The following ANKS1B variants were observed in gnomAD, a reference collection of about 807,000 sequenced individuals.
The protein encoded by ANKS1B is ankyrin repeat and sterile alpha motif domain containing 1B, also known as ankyrin repeat and sterile alpha motif domain-containing protein 1B.
In ANKS1B, 36 loss-of-function variants were observed where a neutral mutation model predicts 148.3. The observed-to-expected ratio is 0.24, with a 90% confidence interval of 0.19 to 0.32. The LOEUF (loss-of-function observed/expected upper bound fraction) is 0.32. Ranked by LOEUF, ANKS1B falls within the 10% of genes least tolerant of loss-of-function variation. The probability of loss-of-function intolerance (pLI) is 1.00; values close to 1 mark genes in which losing one functional copy is unlikely to be tolerated. For missense variants in ANKS1B, 1,157 were observed against 1,542.6 expected (o/e 0.75, Z 4.19); for synonymous variants, 542 against 560.8 (o/e 0.97, Z 0.47).
At chr12:99,110,461 G>T (rs2060071955) in intron 15 of ANKS1B, among the ~76,000 whole-genome samples, 1 of 152,222 alleles carries the variant, frequency 6.6e-6, no homozygotes, top group South Asian at 2.1e-4. Flanking sequence ...CTGCTGTGGA[G>T]ACAGAAGTGG....
chr12:99,888,906 G>A (rs1323983276), intron 1 of ANKS1B, among the ~76,000 whole-genome samples: 4 of 151,162 alleles, frequency 2.6e-5, no homozygotes, highest in Admixed American at 6.6e-5. Flanking sequence ...TCAGCAGGGA[G>A]TACAAAATCT....
At chr12:99,210,079 T>G (rs2153910227) in intron 14 of ANKS1B, among the ~76,000 whole-genome samples, 1 of 152,210 alleles carries the variant, frequency 6.6e-6, no homozygotes, top group Non-Finnish European at 1.5e-5. Flanking sequence ...CCTCTCAGGT[T>G]TAGTCTCCAA....
intron 11 of ANKS1B, among the ~76,000 whole-genome samples, chr12:99,419,341 G>A (rs949069309): frequency 1.3e-5 from 2 of 152,130 alleles, no homozygotes; most frequent in Non-Finnish European, 2.9e-5. Flanking sequence ...GTGGTAGTTT[G>A]TTTTAATAAT....
intron 16 of ANKS1B, among the ~76,000 whole-genome samples, chr12:99,081,759 G>T (rs992973483): frequency 1.3e-5 from 2 of 152,074 alleles, no homozygotes; most frequent in African/African-American, 4.8e-5. Flanking sequence ...TCTACGTTCA[G>T]TTTCTCTTGT....
intron 12 of ANKS1B, among the ~76,000 whole-genome samples, chr12:99,250,216 C>T (rs1186817652): frequency 6.6e-6 from 1 of 152,152 alleles, no homozygotes; most frequent in African/African-American, 2.4e-5. Context: ...AGAACTGTAC[C>T]TAGTTGTCTG....
rs138841918 is a variant in ANKS1B, at chr12:99,462,686, T to C, written c.1439-18877A>G. 2.0e-5 allele frequency among the ~76,000 whole-genome samples: 3 copies of C among 152,358 alleles called. No homozygotes were observed. The East Asian group carries it at 5.8e-4, about 29-fold the overall frequency. On this transcript the variant is annotated intron_variant, in intron 10 of 26. Transcript: ENST00000683438. ...ATTTGATATTCTCTGATATGGTTTG[T>C]ATACTTGTCTCCTCCAAATCTCATG... is the stretch of plus-strand genomic sequence containing the variant.
At chr12:98,747,241 CAA>C (rs569565105) in intron 26 of ANKS1B, among the ~76,000 whole-genome samples, 3 of 151,896 alleles carry the variant, frequency 2.0e-5, no homozygotes, top group Non-Finnish European at 4.4e-5. Flanking sequence ...AAATAAAAAA[CAA>C]AAACAAAAAC....
intron 3 of ANKS1B, 61 bp from the exon 4 acceptor site, chr12:99,806,761 AAC>A (rs1405180370): frequency 5.4e-5 from 80 of 1,494,070 alleles, no homozygotes; most frequent in Non-Finnish European, 6.9e-5. Context: ...TCAAAATCTT[AAC>A]ACAGTAATTT....
intron 9 of ANKS1B, among the ~76,000 whole-genome samples, chr12:99,543,058 A>G (rs2097141448): frequency 6.6e-6 from 1 of 152,138 alleles, no homozygotes; most frequent in African/African-American, 2.4e-5. Context: ...ACAGACTAGG[A>G]GAACGTATTT....
chr12:98,746,068 T>C (rs568035324), intron 26 of ANKS1B, among the ~76,000 whole-genome samples: 15 of 152,274 alleles, frequency 9.9e-5, no homozygotes, highest in African/African-American at 3.6e-4. Flanking sequence ...GGCACAGCCC[T>C]TGCCCTTGTG....
chr12:99,173,471 C>A (rs1478130185), intron 14 of ANKS1B, among the ~76,000 whole-genome samples: 1 of 152,028 alleles, frequency 6.6e-6, no homozygotes, highest in African/African-American at 2.4e-5. Context: ...ACACTTAAGA[C>A]AATCTTAGAA....
At chr12:99,024,212 T>C (rs1351971245) in intron 17 of ANKS1B, among the ~76,000 whole-genome samples, 2 of 152,156 alleles carry the variant, frequency 1.3e-5, no homozygotes, top group African/African-American at 4.8e-5. Flanking sequence ...ACCACAGTTG[T>C]ATAAATTAAA....
At chr12:99,863,127 T>C (rs187657794) in intron 1 of ANKS1B, among the ~76,000 whole-genome samples, 3 of 152,208 alleles carry the variant, frequency 2.0e-5, no homozygotes, top group Non-Finnish European at 2.9e-5. Flanking sequence ...GTTTTGTTTG[T>C]TGGTTGGTTT....
chr12:99,205,060 C>T (rs941312850), intron 14 of ANKS1B, among the ~76,000 whole-genome samples: 1 of 151,910 alleles, frequency 6.6e-6, no homozygotes, highest in Non-Finnish European at 1.5e-5. Context: ...TGTACCAGGC[C>T]CCCCCCAAAA....
intron 17 of ANKS1B, among the ~76,000 whole-genome samples, chr12:98,908,132 A>G (rs2099781956): frequency 6.6e-6 from 1 of 152,076 alleles, no homozygotes; most frequent in South Asian, 2.1e-4. Context: ...AGGGATTGTA[A>G]TCTGTTGGGT....
At chr12:99,439,067 T>A (rs1490999518) in intron 11 of ANKS1B, among the ~76,000 whole-genome samples, 2 of 151,752 alleles carry the variant, frequency 1.3e-5, no homozygotes, top group African/African-American at 2.4e-5. Flanking sequence ...ACAATTAAAA[T>A]ATGAAAGCAA....
Position 99,678,694 on chromosome 12 carries a change from G to T in ANKS1B, c.1129-23484C>A, listed in dbSNP as rs537852905. 1.2e-4 allele frequency among the ~76,000 whole-genome samples: 18 copies of T among 152,206 alleles called. No individual in the cohort carries two copies. The South Asian group carries it at 3.5e-3, about 30-fold the overall frequency. ...GCCTAAATTTCACTAAAAGCACTCT[G>T]GAGCTAAACACTCCCATTTAATTAT... On this transcript the variant is annotated intron_variant, in intron 8 of 26. Transcript: ENST00000683438.
intron 12 of ANKS1B, among the ~76,000 whole-genome samples, chr12:99,255,158 T>C (rs926785346): frequency 6.6e-6 from 1 of 152,154 alleles, no homozygotes; most frequent in Non-Finnish European, 1.5e-5. Flanking sequence ...TTTCAAATTA[T>C]TCATTAAATT....
intron 14 of ANKS1B, among the ~76,000 whole-genome samples, chr12:99,160,622 A>T (rs2076564666): frequency 2.0e-5 from 3 of 151,776 alleles, no homozygotes; most frequent in Admixed American, 2.0e-4. Flanking sequence ...TGCTGGGATT[A>T]CAGGCATGAG....
Sources: gnomAD v4.1 joint callset for allele counts (sites outside exome capture counted in the v4.1 genomes callset) on GRCh38, gnomAD v4.1.1 for gene constraint, MANE v1.5 for transcripts, NCBI Gene and HGNC (gene_info 2026-07-23, HGNC 2026-07-21) for gene names.